Variants in PCDH9 observed in about 807,000 individuals in gnomAD.
PCDH9 encodes protocadherin 9.
PCDH9 carries 24 observed loss-of-function variants against 70.6 expected under a neutral mutation model. That is an observed-to-expected ratio of 0.34 (90% CI 0.25 to 0.48). The LOEUF (loss-of-function observed/expected upper bound fraction) is 0.48, where lower values mean the gene tolerates loss of function less well. Among genes scored for constraint, PCDH9 ranks in the 20% least tolerant of loss-of-function variants. PCDH9 has a pLI of 0.99. For synonymous variants in PCDH9, 562 were observed against 558.5 expected, an observed-to-expected ratio of 1.01 and a Z score of -0.09; for missense variants, 1,281 against 1,503.6, an observed-to-expected ratio of 0.85 and a Z score of 2.45.
intron 2 of PCDH9, among the ~76,000 whole-genome samples, chr13:67,139,773 C>T (rs540557411): frequency 2.0e-5 from 3 of 152,268 alleles, no homozygotes; most frequent in Admixed American, 2.0e-4. Context: ...TCTGACTCTG[C>T]ATATGAACCC....
At chr13:67,110,203 T>TAA (rs201097554) in intron 2 of PCDH9, among the ~76,000 whole-genome samples, 12 of 146,304 alleles carry the variant, frequency 8.2e-5, no homozygotes, top group African/African-American at 1.5e-4. Flanking sequence ...ACAGAAAATT[T>TAA]AAAAAAAAAA....
intron 2 of PCDH9, among the ~76,000 whole-genome samples, chr13:67,153,560 C>G (rs910407097): frequency 1.3e-5 from 2 of 152,198 alleles, no homozygotes; most frequent in Admixed American, 1.3e-4. Flanking sequence ...TTATGAGCCT[C>G]TCACCTAGAA....
chr13:66,621,166 A>G (rs112336222), intron 4 of PCDH9, among the ~76,000 whole-genome samples: 1 of 152,186 alleles, frequency 6.6e-6, no homozygotes, highest in Non-Finnish European at 1.5e-5. Flanking sequence ...CCTTGAGTGT[A>G]GGCAAGACAT....
At chr13:66,581,633 A>T (rs2076893314) in intron 4 of PCDH9, among the ~76,000 whole-genome samples, 1 of 152,186 alleles carries the variant, frequency 6.6e-6, no homozygotes, top group Non-Finnish European at 1.5e-5. Context: ...ATGAAGCAGA[A>T]TCATTTAATT....
intron 4 of PCDH9, among the ~76,000 whole-genome samples, chr13:66,612,365 G>A (rs1299922800): frequency 6.6e-6 from 1 of 152,146 alleles, no homozygotes; most frequent in Non-Finnish European, 1.5e-5. Context: ...GACCAATGGT[G>A]ATCAAAGTCA....
Position 66,462,403 on chromosome 13 carries a change from G to GACA in PCDH9, c.3341-157376_3341-157375insTGT, listed in dbSNP as rs200668990. Among the ~76,000 whole-genome samples, 684 of 152,028 alleles carry GACA rather than the reference G, an allele frequency of 4.5e-3. 27 individuals carry two copies. In the East Asian group the frequency reaches 0.087, roughly 19 times the overall value. ...TCAGGAAGAGACATCTATTGGGGAA[G>GACA]TTAGGTTGGAACATAAGTTGTTTGC... is the stretch of plus-strand genomic sequence containing the variant. On this transcript the variant is annotated intron_variant, in intron 4 of 4. Transcript: ENST00000377865.
intron 2 of PCDH9, among the ~76,000 whole-genome samples, chr13:66,992,473 C>A (rs551350142): frequency 2.7e-4 from 41 of 152,280 alleles, no homozygotes; most frequent in Admixed American, 2.5e-3. Flanking sequence ...CAATGGTCTT[C>A]TTTTTAACTC....
chr13:67,137,122 T>C (rs2087251686), intron 2 of PCDH9, among the ~76,000 whole-genome samples: 1 of 151,872 alleles, frequency 6.6e-6, no homozygotes, highest in African/African-American at 2.4e-5. Flanking sequence ...TAAAGTATAA[T>C]AATAAAAAAA....
intron 3 of PCDH9, among the ~76,000 whole-genome samples, chr13:66,801,140 T>C (rs1313642593): frequency 6.6e-6 from 1 of 151,020 alleles, no homozygotes; most frequent in Non-Finnish European, 1.5e-5. Flanking sequence ...TGAAAAACAA[T>C]AGATATTCAA....
rs184948208 is a variant in PCDH9, at chr13:66,505,703, C to T, written c.3340+125507G>A. On this transcript the variant is annotated intron_variant, in intron 4 of 4. Coordinates refer to ENST00000377865, the MANE Select transcript of PCDH9 (RefSeq NM_203487.3). ...ATCTCATGAGACTTACTCACTATCA[C>T]GAGAACAGCACAGGAAAGACCCACC... Among the ~76,000 whole-genome samples the T allele has an allele frequency of 4.3e-3, 659 of 152,188 alleles. 7 individuals are homozygous for T. The highest frequency in any genetic ancestry group is 0.015 in the African/African-American group (629 of 41,538).
intron 2 of PCDH9, chr13:67,216,963 A>G (rs970473060): frequency 1.3e-5 from 2 of 151,694 alleles, no homozygotes; most frequent in African/African-American, 4.8e-5. Flanking sequence ...GAGGGCATCA[A>G]CTCACAACTC....
At chr13:66,631,065 A>G in intron 4 of PCDH9, 145 bp downstream of exon 4, 1 of 588,184 alleles carries the variant, frequency 1.7e-6, no homozygotes, top group Non-Finnish European at 3.1e-6. Context: ...TTAAATGTAT[A>G]TCTCAAAGAA....
chr13:66,313,983 G>A (rs570889730), intron 4 of PCDH9, among the ~76,000 whole-genome samples: 46 of 152,242 alleles, frequency 3.0e-4, no homozygotes, highest in South Asian at 2.1e-3. Context: ...AGGTATACGC[G>A]TGTGTATTTA....
chr13:66,605,414 G>A (rs1295972647), intron 4 of PCDH9, among the ~76,000 whole-genome samples: 1 of 152,024 alleles, frequency 6.6e-6, no homozygotes, highest in Non-Finnish European at 1.5e-5. Context: ...AAATAACCAA[G>A]GTTAACCATA....
chr13:67,081,568 CA>C lies in PCDH9; in HGVS notation c.3036+143836del, dbSNP rs1460349867. ...GGGCAACTAGAGAAAAACTCCATCT[CA>C]AGAAAACAAAACAAAACAAAAAACA... On this transcript the variant is annotated intron_variant, in intron 2 of 4. Coordinates refer to ENST00000377865, the MANE Select transcript of PCDH9 (RefSeq NM_203487.3). 4.6e-5 allele frequency among the ~76,000 whole-genome samples: 7 copies of C among 152,190 alleles called. No individual in the cohort carries two copies. In the East Asian group the frequency reaches 1.4e-3, roughly 29 times the overall value.
chr13:66,542,965 T>A (rs1369690108), intron 4 of PCDH9, among the ~76,000 whole-genome samples: 1 of 151,516 alleles, frequency 6.6e-6, no homozygotes, highest in Non-Finnish European at 1.5e-5. Flanking sequence ...TTCAAATTAA[T>A]ATGTGTGTGT....
chr13:66,610,099 T>C (rs2077274300), intron 4 of PCDH9, among the ~76,000 whole-genome samples: 1 of 151,920 alleles, frequency 6.6e-6, no homozygotes, highest in Admixed American at 6.6e-5. Flanking sequence ...TTAATAACAA[T>C]AGTACTGGCA....
At chr13:66,763,927 T>C (rs781273748) in intron 3 of PCDH9, among the ~76,000 whole-genome samples, 1 of 151,932 alleles carries the variant, frequency 6.6e-6, no homozygotes, top group Admixed American at 6.6e-5. Context: ...GCTTCCCAAG[T>C]AGCTGGGATT....
intron 4 of PCDH9, among the ~76,000 whole-genome samples, chr13:66,625,904 T>A (rs889951826): frequency 3.3e-5 from 5 of 152,126 alleles, no homozygotes; most frequent in Non-Finnish European, 7.4e-5. Flanking sequence ...CCTCAAATGA[T>A]CTGTCCTCCT....
Sources: allele counts gnomAD v4.1 joint callset (sites outside exome capture counted in the v4.1 genomes callset), GRCh38; gene constraint gnomAD v4.1.1; transcripts MANE v1.5; gene names NCBI Gene and HGNC (gene_info 2026-07-23, HGNC 2026-07-21).